The following NDST3 variants were observed in gnomAD, a reference collection of about 807,000 sequenced individuals.
The protein encoded by NDST3 is bifunctional heparan sulfate N-deacetylase/N-sulfotransferase 3.
Under a neutral mutation model 96.1 loss-of-function variants are expected in NDST3, and 58 were observed. The observed-to-expected ratio is 0.60, with a 90% CI of 0.49 to 0.75. The LOEUF (loss-of-function observed/expected upper bound fraction) is 0.75, where lower values mean the gene tolerates loss of function less well. Among genes scored for constraint, NDST3 ranks in the 30% least tolerant of loss-of-function variants. NDST3 has a pLI of 0.00. For missense variants in NDST3, 788 were observed against 1,034.2 expected (o/e 0.76, Z 3.27); for synonymous variants, 333 against 359.7 (o/e 0.93, Z 0.84).
chr4:118,170,430 C>T (rs1447795152), intron 6 of NDST3, among the ~76,000 whole-genome samples: 3 of 152,134 alleles, frequency 2.0e-5, no homozygotes, highest in Non-Finnish European at 2.9e-5. Context: ...AGAGAGAGAC[C>T]GGGCACCATG....
intron 2 of NDST3, among the ~76,000 whole-genome samples, chr4:118,086,480 C>T (rs1452284736): frequency 6.6e-6 from 1 of 152,098 alleles, no homozygotes; most frequent in African/African-American, 2.4e-5. Flanking sequence ...CGCCCTCTGA[C>T]ACCTTCTTCC....
intron 2 of NDST3, among the ~76,000 whole-genome samples, chr4:118,086,008 C>T (rs1241675239): frequency 1.3e-5 from 2 of 152,172 alleles, no homozygotes; most frequent in Non-Finnish European, 2.9e-5. Context: ...TATTCTGTTC[C>T]ATATGACTAC....
intron 2 of NDST3, among the ~76,000 whole-genome samples, chr4:118,089,542 A>C (rs1183757584): frequency 6.6e-6 from 1 of 151,946 alleles, no homozygotes; most frequent in African/African-American, 2.4e-5. Flanking sequence ...AATCAAACCT[A>C]CAAGTTATTA....
At chr4:118,116,023 A>G (rs1233680515) in intron 4 of NDST3, among the ~76,000 whole-genome samples, 1 of 137,548 alleles carries the variant, frequency 7.3e-6, no homozygotes, top group African/African-American at 2.4e-5. Flanking sequence ...TTTTGATGGT[A>G]TATGCAAACT....
At position 118,053,724 on chromosome 4, in the gene NDST3, C is replaced by T. The variant is rs955905604; in HGVS notation, c.-155-32C>T. The T allele has an allele frequency of 3.2e-5, 19 of 588,622 alleles. No homozygotes were observed. The African/African-American group carries it at 3.2e-4, about 10-fold the overall frequency. The allele number at this position is 588,622 out of a possible 1,614,324, so 36.5% of individuals were successfully genotyped here. A position where few individuals can be genotyped will look rare whatever the true frequency, so the allele number is the denominator to read the frequency against. ...AACTTGCTTATTTTAATGCTGCAAACTGACTGTTTTATATTCTTTTCTATT... is the reference window on the plus strand; with the variant it reads ...AACTTGCTTATTTTAATGCTGCAAATTGACTGTTTTATATTCTTTTCTATT... On this transcript the variant is annotated intron_variant, in intron 1 of 13. Coordinates refer to ENST00000296499, the MANE Select transcript of NDST3 (RefSeq NM_004784.3).
rs184430938 is a variant in NDST3, at chr4:118,206,624, A to G, written c.1540-17867A>G. Among the ~76,000 whole-genome samples the G allele has an allele frequency of 1.4e-4, 21 of 144,910 alleles. 3 individuals are homozygous for G. Among genetic ancestry groups the G allele is most frequent in the Non-Finnish European group, 2.9e-4 (19 of 65,340 alleles). On this transcript the variant is annotated intron_variant, in intron 6 of 13. Transcript: ENST00000296499. ...TAGGAGTTACTGATATTTCCTAAGC[A>G]AAGGACTTTTGTTTTAGGAGGATTT...
intron 6 of NDST3, among the ~76,000 whole-genome samples, chr4:118,221,028 G>C (rs1456656708): frequency 4.0e-5 from 6 of 151,884 alleles, no homozygotes; most frequent in Non-Finnish European, 5.9e-5. Context: ...AAGACCACTA[G>C]GGATTATTAA....
intron 6 of NDST3, among the ~76,000 whole-genome samples, chr4:118,171,523 C>CTT (rs10628437): frequency 0.081 from 12,266 of 152,122 alleles, 1,115 homozygotes; most frequent in African/African-American, 0.23. Flanking sequence ...TGTCTGGTTG[C>CTT]TTAGGCTAAT....
rs773724696 is a variant in NDST3 at position 118,143,672 on chromosome 4, C to T, written c.1527C>T (p.Val509=). ...SIQGGELFFT[V]VLNPISIFMT... ...AAGGAGGAGAACTTTTCTTCACTGT[C>T]GTCCTCAACCCTGTAAGTACTTTAT... is the stretch of plus-strand genomic sequence containing the variant. The change falls in exon 6 of 14, where the codon GTC becomes GTT. Residue 509 remains valine (V), a synonymous_variant. Transcript: ENST00000296499. 12 of 1,597,776 alleles carry T rather than the reference C, an allele frequency of 7.5e-6. No individual in the cohort carries two copies. The highest frequency in any genetic ancestry group is 1.4e-5 in the African/African-American group (1 of 73,674).
chr4:118,153,623 T>C (rs923554975), intron 6 of NDST3, among the ~76,000 whole-genome samples: 1 of 152,100 alleles, frequency 6.6e-6, no homozygotes, highest in African/African-American at 2.4e-5. Context: ...AGGAGTTCCC[T>C]GACCAGCCTG....
chr4:118,196,999 G>T (rs1462094971), intron 6 of NDST3, among the ~76,000 whole-genome samples: 3 of 147,596 alleles, frequency 2.0e-5, no homozygotes, highest in African/African-American at 7.5e-5. Context: ...TATTAGTACT[G>T]CTTTTGCTGT....
At chr4:118,214,106 T>A (rs1171231427) in intron 6 of NDST3, among the ~76,000 whole-genome samples, 4 of 151,972 alleles carry the variant, frequency 2.6e-5, no homozygotes. Flanking sequence ...CACCTCAAAC[T>A]GGAAAAGCAA....
intron 6 of NDST3, chr4:118,193,669 C>G (rs1464054880): frequency 2.3e-6 from 3 of 1,311,150 alleles, no homozygotes; most frequent in African/African-American, 2.9e-5. Flanking sequence ...CAGCCTGTGC[C>G]AGTTCAAAGT....
chr4:118,227,675 G>A (rs1739987997), intron 8 of NDST3, among the ~76,000 whole-genome samples: 1 of 138,094 alleles, frequency 7.2e-6, no homozygotes. Context: ...GCAGTGGCAT[G>A]ATCTCAGCTC....
chr4:118,170,707 C>G (rs556167664), intron 6 of NDST3, among the ~76,000 whole-genome samples: 1 of 151,764 alleles, frequency 6.6e-6, no homozygotes, highest in African/African-American at 2.4e-5. Context: ...CCAGCCTGGG[C>G]GACAGAGTGA....
chr4:118,193,463 A>G (rs1349706513), intron 6 of NDST3: 1 of 748,824 alleles, frequency 1.3e-6, no homozygotes, highest in Non-Finnish European at 2.2e-6. Context: ...CTGCTCCTCC[A>G]TCTCTGTGTC....
chr4:118,055,009 G>A (rs765935530), intron 2 of NDST3, 118 bp downstream of exon 2: 84 of 1,271,726 alleles, frequency 6.6e-5, no homozygotes, highest in Non-Finnish European at 8.8e-5. Context: ...GGAAAGTCTG[G>A]GCAATCTAGG....
At chr4:118,234,718 G>T (rs1329673777) in intron 9 of NDST3, among the ~76,000 whole-genome samples, 3 of 151,640 alleles carry the variant, frequency 2.0e-5, no homozygotes, top group Non-Finnish European at 2.9e-5. Context: ...TCATCATGTG[G>T]CTAGGTACTC....
intron 6 of NDST3, among the ~76,000 whole-genome samples, chr4:118,172,003 A>G (rs1228075792): frequency 1.3e-5 from 2 of 152,192 alleles, no homozygotes; most frequent in Non-Finnish European, 1.5e-5. Context: ...AAAAATGTCA[A>G]TAACACTACA....
Sources: allele counts gnomAD v4.1 joint callset (sites outside exome capture counted in the v4.1 genomes callset), GRCh38; gene constraint gnomAD v4.1.1; transcripts MANE v1.5; gene names NCBI Gene and HGNC (gene_info 2026-07-23, HGNC 2026-07-21).